Variants in CELF2 observed in about 807,000 individuals in gnomAD.
The protein encoded by CELF2 is CUGBP Elav-like family member 2.
A neutral mutation model predicts 62.6 loss-of-function variants in CELF2; 8 were observed. That is an observed-to-expected ratio of 0.13 (90% CI 0.07 to 0.23). The LOEUF (loss-of-function observed/expected upper bound fraction) is 0.23, where lower values mean the gene tolerates loss of function less well. Among genes scored for constraint, CELF2 ranks in the 10% least tolerant of loss-of-function variants. CELF2 has a pLI of 1.00. For synonymous variants in CELF2, 258 were observed against 250.0 expected (o/e 1.03, Z -0.30); for missense variants, 333 against 671.0 (o/e 0.50, Z 5.56).
chr10:10,787,728 G>A, the CELF2 span, among the ~76,000 whole-genome samples: 1 of 152,108 alleles, frequency 6.6e-6, no homozygotes, highest in Non-Finnish European at 1.5e-5. Context: ...TCAATCAGCT[G>A]AGCTTGCTAC....
At chr10:10,752,181 G>A in the CELF2 span, among the ~76,000 whole-genome samples, 2 of 152,214 alleles carry the variant, frequency 1.3e-5, no homozygotes, top group African/African-American at 4.8e-5. Context: ...TCCCAGGAGA[G>A]AGTCAGGCCT....
At chr10:11,155,252 C>G (rs1191787297) in intron 1 of CELF2, among the ~76,000 whole-genome samples, 1 of 152,206 alleles carries the variant, frequency 6.6e-6, no homozygotes, top group Non-Finnish European at 1.5e-5. Flanking sequence ...TGTGATTATA[C>G]AAATGAATAA....
At chr10:11,062,342 G>A (rs543626400) in intron 1 of CELF2, among the ~76,000 whole-genome samples, 1 of 152,346 alleles carries the variant, frequency 6.6e-6, no homozygotes, top group African/African-American at 2.4e-5. Context: ...ATTTTGTAAG[G>A]CTATGGCTGC....
rs1457433787 is a variant in CELF2 at position 11,315,687 on chromosome 10, TGGTA to T, written c.1096+1431_1096+1434del. On this transcript the variant is annotated intron_variant, in intron 10 of 12. Transcript: ENST00000633077. The surrounding 1 kb of genome is among the most constrained non-coding windows in gnomAD (Gnocchi z 5.8). ...CGTGATTAGCGTGGAGCCCGTGAAG[TGGTA>T]GCTGTGCCGCGGCCTCATTGTTTTA... is the stretch of plus-strand genomic sequence containing the variant. Among the ~76,000 whole-genome samples, 1 of 152,082 alleles carries T rather than the reference TGGTA, an allele frequency of 6.6e-6. No individual in the cohort carries two copies. The highest frequency in any genetic ancestry group is 2.4e-5 in the African/African-American group (1 of 41,414).
intron 1 of CELF2, among the ~76,000 whole-genome samples, chr10:11,078,734 G>A (rs1482474214): frequency 3.3e-5 from 5 of 152,204 alleles, no homozygotes; most frequent in East Asian, 1.9e-4. Flanking sequence ...TAAAAGAATC[G>A]GAGGCTGCCA....
chr10:11,274,515 G>C (rs1360922230), intron 7 of CELF2, among the ~76,000 whole-genome samples: 1 of 152,262 alleles, frequency 6.6e-6, no homozygotes, highest in Non-Finnish European at 1.5e-5. Flanking sequence ...CTGCAGTGAG[G>C]ACTTTTAAAA....
chr10:10,494,788 A>T, the CELF2 span, among the ~76,000 whole-genome samples: 1 of 152,130 alleles, frequency 6.6e-6, no homozygotes, highest in Non-Finnish European at 1.5e-5. Flanking sequence ...ATATGATTAG[A>T]CTCTGGGATT....
At chr10:10,603,384 G>GCATT in the CELF2 span, among the ~76,000 whole-genome samples, 1 of 152,054 alleles carries the variant, frequency 6.6e-6, no homozygotes. Flanking sequence ...TCTAGGCAAT[G>GCATT]CATTCCCCAT....
chr10:10,701,623 G>A, the CELF2 span, among the ~76,000 whole-genome samples: 1 of 152,204 alleles, frequency 6.6e-6, no homozygotes, highest in African/African-American at 2.4e-5. Flanking sequence ...ACTATAACCA[G>A]GTTGTTGTTG....
the CELF2 span, among the ~76,000 whole-genome samples, chr10:10,538,212 A>G: frequency 6.6e-6 from 1 of 152,100 alleles, no homozygotes. Context: ...CCATTTGCCA[A>G]GTTGGAAGAT....
intron 1 of CELF2, among the ~76,000 whole-genome samples, chr10:11,164,104 C>T (rs2066370523): frequency 6.6e-6 from 1 of 152,168 alleles, no homozygotes; most frequent in Admixed American, 6.5e-5. Flanking sequence ...ATGGAGGAGG[C>T]TCTGTAGGGG....
chr10:10,568,798 T>C, the CELF2 span, among the ~76,000 whole-genome samples: 2 of 152,086 alleles, frequency 1.3e-5, no homozygotes, highest in Non-Finnish European at 2.9e-5. Flanking sequence ...GTTTTGAAGT[T>C]CTCAATTTGG....
intron 1 of CELF2, among the ~76,000 whole-genome samples, chr10:11,063,927 A>G (rs2067426626): frequency 6.6e-6 from 1 of 152,110 alleles, no homozygotes; most frequent in Admixed American, 6.5e-5. Flanking sequence ...TGCGTTCTGC[A>G]TGGATAATCT....
intron 1 of CELF2, among the ~76,000 whole-genome samples, chr10:11,113,855 A>G (rs2055879973): frequency 6.6e-6 from 1 of 152,186 alleles, no homozygotes; most frequent in South Asian, 2.1e-4. Context: ...ATTTTCGAGG[A>G]CCATCACATC....
chr10:11,112,943 AAC>A (rs1422658834), intron 1 of CELF2, among the ~76,000 whole-genome samples: 14 of 152,206 alleles, frequency 9.2e-5, no homozygotes, highest in Non-Finnish European at 1.8e-4. Context: ...GTCATGAGTA[AAC>A]ACAGTGCATT....
the CELF2 span, among the ~76,000 whole-genome samples, chr10:10,575,775 T>G: frequency 6.6e-6 from 1 of 152,134 alleles, no homozygotes; most frequent in African/African-American, 2.4e-5. Flanking sequence ...TTCACTCAAG[T>G]AACATATAAA....
the CELF2 span, among the ~76,000 whole-genome samples, chr10:10,562,706 C>G: frequency 7.2e-6 from 1 of 138,768 alleles, no homozygotes; most frequent in Non-Finnish European, 1.5e-5. Context: ...CTGCATTGGT[C>G]CTTTCCCTCC....
the CELF2 span, among the ~76,000 whole-genome samples, chr10:10,549,474 G>A: frequency 6.6e-6 from 1 of 152,202 alleles, no homozygotes; most frequent in South Asian, 2.1e-4. Flanking sequence ...AGTAGAGACA[G>A]GGTTTTGCCA....
chr10:10,919,261 C>T (rs1038553931), intron 1 of CELF2, among the ~76,000 whole-genome samples: 25 of 136,658 alleles, frequency 1.8e-4, no homozygotes, highest in African/African-American at 5.7e-4. Context: ...AAGAGAGATA[C>T]TCTGTCTGAA....
Sources: gnomAD v4.1 joint callset for allele counts (sites outside exome capture counted in the v4.1 genomes callset) on GRCh38, gnomAD v4.1.1 for gene constraint, Gnocchi (gnomAD v3.1) non-coding constraint, MANE v1.5 for transcripts, NCBI Gene and HGNC (gene_info 2026-07-23, HGNC 2026-07-21) for gene names.